The following SMPD4 variants were observed in gnomAD, a reference collection of about 807,000 sequenced individuals.
The protein encoded by SMPD4 is sphingomyelin phosphodiesterase 4, also known as neutral sphingomyelinase 3.
In SMPD4, 58 loss-of-function variants were observed where a neutral mutation model predicts 97.8. The observed-to-expected ratio is 0.59, with a 90% CI of 0.48 to 0.74. The LOEUF is 0.74. SMPD4 is among the 30% of genes least tolerant of loss of function. The probability of loss-of-function intolerance (pLI) is 0.00; values close to 1 mark genes in which losing one functional copy is unlikely to be tolerated. For synonymous variants in SMPD4, 388 were observed against 450.0 expected, an observed-to-expected ratio of 0.86 and a Z score of 1.74; for missense variants, 853 against 1,080.5, an observed-to-expected ratio of 0.79 and a Z score of 2.95.
Position 130,156,663 on chromosome 2 carries a change from C to T in SMPD4, c.1110G>A (p.Pro370=), listed in dbSNP as rs572074166. 3.3e-5 allele frequency: 53 copies of T among 1,613,446 alleles called. No individual in the cohort carries two copies. Among genetic ancestry groups the T allele is most frequent in the African/African-American group, 9.3e-5 (7 of 75,032 alleles). Residue 370 remains proline, a synonymous_variant, in exon 13 of 20, where the codon CCG becomes CCA. Transcript: ENST00000680298. ...GGTAGAGTTTCTGCTGGACGAACCT[C>T]GGGACAGCAGCCCTGCAGGGGATGG... The part of the protein sequence containing the change: ...PLEEFKRAAV[P]RFVQQKLYLF...
intron 11 of SMPD4, among the ~76,000 whole-genome samples, chr2:130,160,144 C>G (rs1408396233): frequency 6.6e-6 from 1 of 152,132 alleles, no homozygotes; most frequent in African/African-American, 2.4e-5. Flanking sequence ...CAGCTCACCC[C>G]ACCTGGGTCT....
intron 5 of SMPD4, among the ~76,000 whole-genome samples, 162 bp downstream of exon 5, chr2:130,173,117 A>C (rs953539553): frequency 3.9e-5 from 6 of 152,286 alleles, no homozygotes; most frequent in African/African-American, 1.2e-4. Flanking sequence ...GCAGACAGCA[A>C]GGGTAGCAGT....
rs182884270 is a variant in SMPD4 at position 130,161,548 on chromosome 2, C to G, written c.865-276G>C. On this transcript the variant is annotated intron_variant, in intron 10 of 19. Coordinates refer to ENST00000680298, the MANE Select transcript of SMPD4 (RefSeq NM_017951.5). ...GGCCACACTCTCCTCGCTTTGAAGG[C>G]CCGGGCAGAGGGGCCTCCAGGTCAC... Among the ~76,000 whole-genome samples the G allele has an allele frequency of 2.2e-3, 339 of 152,308 alleles. 3 individuals carry two copies. The highest frequency in any genetic ancestry group is 7.8e-3 in the African/African-American group (326 of 41,568).
At position 130,156,091 on chromosome 2, in the gene SMPD4, C is replaced by T. The variant is rs149794601; in HGVS notation, c.1233G>A (p.Ala411=). The T allele has an allele frequency of 5.1e-5, 82 of 1,611,182 alleles. No homozygotes were observed. The highest frequency in any genetic ancestry group is 2.2e-4 in the Middle Eastern group (1 of 4,568). Residue 411 remains alanine, a synonymous_variant, in exon 14 of 20, where the codon GCG becomes GCA. Transcript: ENST00000680298. ...WLSYLQPWRY[A]PDKQAPGSDS... ...CGCTGCCCGGAGCCTGCTTGTCAGG[C>T]GCGTACCGCCACGGCTGCAGGTAGC...
At chr2:130,161,500 C>A (rs1573687311) in intron 10 of SMPD4, among the ~76,000 whole-genome samples, 1 of 152,218 alleles carries the variant, frequency 6.6e-6, no homozygotes, top group Admixed American at 6.5e-5. Context: ...CAGCACCCCC[C>A]TCCACAACCA....
chr2:130,181,633 G>A (rs1411102296), upstream of SMPD4: 3 of 1,569,378 alleles, frequency 1.9e-6, no homozygotes, highest in Middle Eastern at 1.7e-4. Context: ...CCCCGCGGCC[G>A]GGCGGGAAAA....
chr2:130,165,108 TAA>T (rs35361623), intron 9 of SMPD4, among the ~76,000 whole-genome samples: 4,565 of 61,734 alleles, frequency 0.074, 478 homozygotes, highest in African/African-American at 0.29. Context: ...GACTCTGATT[TAA>T]AAAAAAAAAA....
intron 12 of SMPD4, 145 bp from the exon 13 acceptor site, chr2:130,156,820 AG>A (rs1558743394): frequency 5.2e-6 from 8 of 1,545,188 alleles, no homozygotes; most frequent in African/African-American, 1.4e-5. Flanking sequence ...CATTCTTCAG[AG>A]GAAGAAATCA....
chr2:130,161,369 G>C, intron 10 of SMPD4, 97 bp from the exon 11 acceptor site: 1 of 904,386 alleles, frequency 1.1e-6, no homozygotes. Context: ...ACACGGGAGG[G>C]GGAAGCGGAG....
At chr2:130,169,165 C>T (rs542037731) in intron 8 of SMPD4, among the ~76,000 whole-genome samples, 9 of 152,232 alleles carry the variant, frequency 5.9e-5, no homozygotes, top group Non-Finnish European at 1.0e-4. Context: ...CCATGCTGGG[C>T]CTAGTCACCA....
chr2:130,179,211 C>T (rs1689257742), intron 1 of SMPD4, among the ~76,000 whole-genome samples: 1 of 151,700 alleles, frequency 6.6e-6, no homozygotes, highest in South Asian at 2.1e-4. Context: ...GCAAGCTCCG[C>T]TTGGGTTCAC....
chr2:130,167,546 C>G lies in SMPD4; in HGVS notation c.704G>C (p.Ser235Thr). The change falls in exon 9 of 20, where the codon AGC becomes ACC. Residue 235 changes from serine to threonine, a missense_variant. Coordinates refer to ENST00000680298, the MANE Select transcript of SMPD4 (RefSeq NM_017951.5). The stretch of plus-strand genomic sequence containing the variant: ...ATGAGAGATGTGTCGCTTTAGGAGG[C>G]TAGTGTGGTGGAGGCCATAGGAAGC... ...PFASYGLHHT[S>T]LLKRHISHQT... 1.2e-6 allele frequency: 2 copies of G among 1,613,674 alleles called. No homozygotes were observed. Among genetic ancestry groups the G allele is most frequent in the Non-Finnish European group, 1.7e-6 (2 of 1,179,730 alleles).
At chr2:130,161,712 C>T (rs1212102270) in intron 10 of SMPD4, among the ~76,000 whole-genome samples, 3 of 152,290 alleles carry the variant, frequency 2.0e-5, no homozygotes, top group South Asian at 4.1e-4. Context: ...CAAACCAGAG[C>T]CCTCCAAGAG....
chr2:130,154,489 G>C lies in SMPD4; in HGVS notation c.1454-7C>G. ...TCCAGGAATAGCTGCTCACCTAGAA[G>C]GCAGGAGACGAACCTGGCACCCACT... is the stretch of plus-strand genomic sequence containing the variant. On this transcript the variant is annotated splice_polypyrimidine_tract_variant and splice_region_variant and intron_variant, in intron 15 of 19. Transcript: ENST00000680298. 13 of 1,552,134 alleles carry C rather than the reference G, an allele frequency of 8.4e-6. 1 individual carries two copies. The highest frequency in any genetic ancestry group is 1.1e-5 in the Non-Finnish European group (13 of 1,147,424).
rs1485693276 is a variant in SMPD4, at chr2:130,172,428, A to C, written c.580T>G (p.Trp194Gly). ...ACACTGCCTTCGGTGGGCAGGAACC[A>C]TGACAGGTACCTGTCCACCAGGATG... Reference protein sequence around the residue: ...YFILVDRYLSWFLPTEGSVPP... With the variant: ...YFILVDRYLSGFLPTEGSVPP... The change falls in exon 8 of 20, where the codon TGG becomes GGG. Residue 194 changes from tryptophan (W) to glycine (G), a missense_variant. This residue lies in a region of SMPD4 where 313 missense variants were observed against 402.2 expected (regional missense o/e 0.78). Transcript: ENST00000680298. 2 of 1,612,202 alleles carry C rather than the reference A, an allele frequency of 1.2e-6. No individual in the cohort carries two copies. Among genetic ancestry groups the C allele is most frequent in the Non-Finnish European group, 1.7e-6 (2 of 1,179,198 alleles).
At chr2:130,173,056 G>C (rs1432348172) in intron 5 of SMPD4, among the ~76,000 whole-genome samples, 161 bp from the exon 6 acceptor site, 2 of 152,328 alleles carry the variant, frequency 1.3e-5, no homozygotes, top group Admixed American at 1.3e-4. Flanking sequence ...AGCAGTGCCT[G>C]AACAAGAGTC....
chr2:130,180,384 TA>T (rs910830369), intron 1 of SMPD4, among the ~76,000 whole-genome samples: 1 of 147,484 alleles, frequency 6.8e-6, no homozygotes, highest in African/African-American at 2.5e-5. Context: ...GCAATTCTCT[TA>T]CTCAGCCTCC....
In SMPD4 at chr2:130,173,348, T is replaced by C; in HGVS notation, c.276A>G (p.Pro92=). 1.2e-6 allele frequency: 2 copies of C among 1,612,682 alleles called. No individual in the cohort carries two copies. The highest frequency in any genetic ancestry group is 2.7e-5 in the African/African-American group (2 of 74,948). The change falls in exon 5 of 20, where the codon CCA becomes CCG. Residue 92 remains proline, a synonymous_variant. Transcript: ENST00000680298. ...GAAGCTTATAAACCAACTTCATCATTGGGCCACTGAACACGAAATTGAACA... is the reference window on the plus strand; with the variant it reads ...GAAGCTTATAAACCAACTTCATCATCGGGCCACTGAACACGAAATTGAACA... ...IVMEFLDPGG[P]MMKLVYKLQA... is the part of the protein sequence containing the mutation.
Position 130,153,098 on chromosome 2 carries a change from T to C in SMPD4, c.2099A>G (p.Glu700Gly). ...DPELQPIRSY[E>G]IASLVRTLFR... is the part of the protein sequence containing the mutation. ...GAGTGTGCGGACCAAGCTGGCGATC[T>C]CATAGCTCCGGATGGGCTGCAGCTC... The change falls in exon 19 of 20, where the codon GAG becomes GGG. Residue 700 changes from glutamate to glycine, a missense_variant. Physicochemically the swap from Glu to Gly is moderately conservative, Grantham distance 98. This residue lies in a region of SMPD4 where 511 missense variants were observed against 608.1 expected (regional missense o/e 0.84). Coordinates refer to ENST00000680298, the MANE Select transcript of SMPD4 (RefSeq NM_017951.5). 4.3e-6 allele frequency: 7 copies of C among 1,613,610 alleles called. No homozygotes were observed. Among genetic ancestry groups the C allele is most frequent in the Non-Finnish European group, 5.9e-6 (7 of 1,179,988 alleles).
Sources: allele counts gnomAD v4.1 joint callset (sites outside exome capture counted in the v4.1 genomes callset), GRCh38; gene constraint gnomAD v4.1.1; regional missense constraint gnomAD v4.1.1; transcripts MANE v1.5; gene names NCBI Gene and HGNC (gene_info 2026-07-23, HGNC 2026-07-21).